SMARCB1: variants seen among roughly 807,000 people sequenced by gnomAD.
SMARCB1 encodes the protein SWI/SNF related BAF chromatin remodeling complex subunit B1.
SMARCB1 carries 5 observed loss-of-function variants against 49.0 expected under a neutral mutation model. The ratio of observed to expected loss-of-function variants is 0.10; its 90% CI spans 0.05 to 0.21. SMARCB1 has a LOEUF of 0.21. SMARCB1 is among the 10% of genes least tolerant of loss of function. SMARCB1 has a pLI of 1.00. For synonymous variants in SMARCB1, 201 were observed against 200.1 expected, an observed-to-expected ratio of 1.00 and a Z score of -0.04; for missense variants, 226 against 509.2, an observed-to-expected ratio of 0.44 and a Z score of 5.35.
At position 23,816,434 on chromosome 22, in the gene SMARCB1, C is replaced by T. The variant is rs570541772; in HGVS notation, c.629-336C>T. ...GGGGAGTAGAGAGATGGCACGCAAG[C>T]TTTGATGTGCCTTTGCTGGCCTCGC... On this transcript the variant is annotated intron_variant, in intron 5 of 8. Coordinates refer to ENST00000644036, the MANE Select transcript of SMARCB1 (RefSeq NM_003073.5). The T allele has an allele frequency of 9.2e-5, 46 of 499,088 alleles. No homozygotes were observed. The East Asian group carries it at 1.7e-3, about 18-fold the overall frequency. The allele number at this position is 499,088 out of a possible 1,614,324, so 30.9% of individuals were successfully genotyped here. A position where few individuals can be genotyped will look rare whatever the true frequency, so the allele number is the denominator to read the frequency against.
At chr22:23,827,248 C>T (rs548413095) in intron 7 of SMARCB1, among the ~76,000 whole-genome samples, 1 of 152,372 alleles carries the variant, frequency 6.6e-6, no homozygotes, top group Admixed American at 6.5e-5. Context: ...CCTAGTCCTG[C>T]AGCCGCTGCC....
At chr22:23,833,820 C>A in intron 8 of SMARCB1, 117 bp downstream of exon 8, 1 of 1,182,042 alleles carries the variant, frequency 8.5e-7, no homozygotes, top group Non-Finnish European at 1.2e-6. Flanking sequence ...ACCTCTAGTG[C>A]TGCTAGAGGC....
At chr22:23,788,844 G>T (rs906059832) in intron 1 of SMARCB1, among the ~76,000 whole-genome samples, 1 of 151,776 alleles carries the variant, frequency 6.6e-6, no homozygotes, top group Non-Finnish European at 1.5e-5. Flanking sequence ...TTTAGTGTTA[G>T]CATTTTCCAC....
At chr22:23,799,035 G>GC in intron 3 of SMARCB1, among the ~76,000 whole-genome samples, 1 of 148,942 alleles carries the variant, frequency 6.7e-6, no homozygotes, top group South Asian at 2.1e-4. Context: ...AGGCGACAGA[G>GC]CGAGACTCCA....
At chr22:23,802,387 CTCCTTCCT>C (rs1004619674) in intron 4 of SMARCB1, 1 of 152,644 alleles carries the variant, frequency 6.6e-6, no homozygotes, top group Non-Finnish European at 1.5e-5. Context: ...CTTTCCTTTC[CTCCTTCCT>C]TCCTTCCATC....
chr22:23,802,986 C>T (rs1929263448), intron 4 of SMARCB1: 1 of 469,260 alleles, frequency 2.1e-6, no homozygotes, highest in Non-Finnish European at 3.9e-6. Context: ...CATAGCCTTC[C>T]ATGAAAGTCC....
At chr22:23,815,221 G>GT (rs1418230723) in intron 5 of SMARCB1, 3 of 152,038 alleles carry the variant, frequency 2.0e-5, no homozygotes, top group African/African-American at 7.2e-5. Flanking sequence ...CTAGAAAACA[G>GT]TGTGGCAATT....
At position 23,834,696 on chromosome 22, in the gene SMARCB1, A is replaced by G; in HGVS notation, c.*516A>G. The G allele has an allele frequency of 1.6e-6, 2 of 1,276,892 alleles. No individual in the cohort carries two copies. Among genetic ancestry groups the G allele is most frequent in the Non-Finnish European group, 1.1e-6 (1 of 942,948 alleles). The allele number at this position is 1,276,892 out of a possible 1,614,324, so 79.1% of individuals were successfully genotyped here. A position where few individuals can be genotyped will look rare whatever the true frequency, so the allele number is the denominator to read the frequency against. On this transcript the variant is annotated 3_prime_UTR_variant, in exon 9 of 9. Transcript: ENST00000644036. Reference sequence around the variant, plus strand: ...TGAATGGGGCTCCGGGTAGCACCTCAGCTCCTCTCAGCTCCCCTCAGCCTG... The same window carrying G: ...TGAATGGGGCTCCGGGTAGCACCTCGGCTCCTCTCAGCTCCCCTCAGCCTG...
At chr22:23,818,167 TG>T (rs2029889526) in intron 6 of SMARCB1, 1 of 75,396 alleles carries the variant, frequency 1.3e-5, no homozygotes, top group African/African-American at 4.6e-5. Context: ...TGTGTGTGTG[TG>T]TGTGTGTCGC....
intron 4 of SMARCB1, chr22:23,802,684 C>G (rs1929242905): frequency 5.2e-6 from 1 of 191,210 alleles, no homozygotes; most frequent in South Asian, 1.0e-4. Flanking sequence ...GTCCTGTGTC[C>G]TCCAGCTCCA....
chr22:23,791,728 A>G (rs1928392528), intron 1 of SMARCB1, 28 bp from the exon 2 acceptor site: 15 of 1,612,340 alleles, frequency 9.3e-6, no homozygotes, highest in Admixed American at 1.7e-5. Flanking sequence ...TGCGACCCTT[A>G]TAATGAGCCT....
chr22:23,802,564 C>G (rs1349392948), intron 4 of SMARCB1: 2 of 159,546 alleles, frequency 1.3e-5, no homozygotes, highest in South Asian at 1.8e-4. Context: ...GTCTGTTTCC[C>G]AGCGCATTCA....
At chr22:23,829,901 G>T (rs969080034) in intron 7 of SMARCB1, among the ~76,000 whole-genome samples, 5 of 152,170 alleles carry the variant, frequency 3.3e-5, no homozygotes, top group African/African-American at 1.2e-4. Context: ...TCATAGAAAT[G>T]GAACCATCTA....
At chr22:23,824,960 G>T in intron 6 of SMARCB1, 2 of 559,746 alleles carry the variant, frequency 3.6e-6, no homozygotes, top group South Asian at 2.0e-5. Flanking sequence ...TGAAGGTAAG[G>T]TGGGACTCAG....
At chr22:23,821,748 G>A (rs2030097929) in intron 6 of SMARCB1, among the ~76,000 whole-genome samples, 1 of 152,020 alleles carries the variant, frequency 6.6e-6, no homozygotes, top group African/African-American at 2.4e-5. Context: ...CTACTCTGGA[G>A]GCTGAGGCAT....
At chr22:23,795,065 A>G (rs1928652745) in intron 3 of SMARCB1, among the ~76,000 whole-genome samples, 1 of 152,276 alleles carries the variant, frequency 6.6e-6, no homozygotes, top group South Asian at 2.1e-4. Context: ...GATGGTCCAT[A>G]CCTTGAAGTA....
chr22:23,792,395 T>C lies in SMARCB1; in HGVS notation c.232+501T>C, dbSNP rs183217160. 3.2e-4 allele frequency: 98 copies of C among 304,220 alleles called. 1 individual carries two copies. The Middle Eastern group carries it at 3.6e-3, about 11-fold the overall frequency. 18.8% of individuals were successfully genotyped at this position (304,220 alleles called of 1,614,324 possible). On this transcript the variant is annotated intron_variant, in intron 2 of 8. Transcript: ENST00000644036. ...CTGCTCCTGGTGGCCTGCGTGTGCC[T>C]GGGGCTTGCTAGGTACACTAGTGAA...
At chr22:23,788,567 G>A (rs566714017) in intron 1 of SMARCB1, among the ~76,000 whole-genome samples, 6 of 151,820 alleles carry the variant, frequency 4.0e-5, no homozygotes, top group East Asian at 3.9e-4. Flanking sequence ...CACCGTGCCC[G>A]ACTAATTTTT....
chr22:23,811,822 G>A (rs1197301812), intron 5 of SMARCB1, among the ~76,000 whole-genome samples: 1 of 152,104 alleles, frequency 6.6e-6, no homozygotes, highest in African/African-American at 2.4e-5. Flanking sequence ...CAGAAGGAAG[G>A]ACATTTGAAG....
Sources: gnomAD v4.1 joint callset for allele counts (sites outside exome capture counted in the v4.1 genomes callset) on GRCh38, gnomAD v4.1.1 for gene constraint, MANE v1.5 for transcripts, NCBI Gene and HGNC (gene_info 2026-07-23, HGNC 2026-07-21) for gene names.